Variants in CEP128 observed in about 807,000 individuals in gnomAD.
CEP128 encodes the protein centrosomal protein 128kDa.
A neutral mutation model predicts 156.7 loss-of-function variants in CEP128; 132 were observed. That is an observed-to-expected ratio of 0.84 (90% CI 0.73 to 0.97). The LOEUF (loss-of-function observed/expected upper bound fraction) is 0.97. CEP128 is among the 50% of genes least tolerant of loss of function. The pLI is 0.00. For missense variants in CEP128, 1,252 were observed against 1,281.9 expected, an observed-to-expected ratio of 0.98 and a Z score of 0.36; for synonymous variants, 469 against 448.9, an observed-to-expected ratio of 1.04 and a Z score of -0.57.
At chr14:80,501,327 G>A (rs1162898871) in intron 24 of CEP128, among the ~76,000 whole-genome samples, 1 of 152,120 alleles carries the variant, frequency 6.6e-6, no homozygotes, top group East Asian at 1.9e-4. Context: ...AGGAGTGACA[G>A]TCTTTATCTA....
Position 80,526,950 on chromosome 14 carries a change from T to C in CEP128, c.2991A>G (p.Gly997=). The C allele has an allele frequency of 6.2e-7, 1 of 1,601,944 alleles. No homozygotes were observed. The highest frequency in any genetic ancestry group is 8.5e-7 in the Non-Finnish European group (1 of 1,172,466). Residue 997 remains glycine (G), a synonymous_variant, in exon 23 of 25, where the codon GGA becomes GGG. Transcript: ENST00000555265. ...DSCSSSERTD[G]RYSKYRVRRN... Reference sequence around the variant, plus strand: ...TGCGAACCCTGTATTTGGAATATCTTCCATCAGTTCTCTCAGATGAACTGC... The same window carrying C: ...TGCGAACCCTGTATTTGGAATATCTCCCATCAGTTCTCTCAGATGAACTGC...
chr14:80,950,166 C>G (rs1412378362), intron 2 of CEP128, among the ~76,000 whole-genome samples: 2 of 152,034 alleles, frequency 1.3e-5, no homozygotes, highest in African/African-American at 2.4e-5. Context: ...AGTGATATAA[C>G]CCAAAAGATG....
At chr14:80,487,960 A>G (rs201341050), downstream of CEP128, among the ~76,000 whole-genome samples, 16 of 150,764 alleles carry the variant, frequency 1.1e-4, no homozygotes, top group Middle Eastern at 3.2e-3. Context: ...TGTCACAATT[A>G]AAAGAACTAG....
At chr14:80,577,612 G>T (rs879489954) in intron 20 of CEP128, among the ~76,000 whole-genome samples, 5 of 152,058 alleles carry the variant, frequency 3.3e-5, no homozygotes, top group Admixed American at 3.3e-4. Flanking sequence ...ATCATCTCTT[G>T]CCGAGAGTCT....
chr14:80,879,286 A>G (rs767690727), intron 8 of CEP128, among the ~76,000 whole-genome samples: 3 of 152,202 alleles, frequency 2.0e-5, no homozygotes, highest in Non-Finnish European at 4.4e-5. Context: ...CAAAAAAATG[A>G]TAAAGCAAGG....
chr14:80,894,920 TTTAC>T (rs2139392201), intron 8 of CEP128, among the ~76,000 whole-genome samples: 1 of 152,056 alleles, frequency 6.6e-6, no homozygotes, highest in South Asian at 2.1e-4. Flanking sequence ...ATTATCTACT[TTTAC>T]TAGGAAACTT....
intron 20 of CEP128, among the ~76,000 whole-genome samples, chr14:80,562,546 C>T (rs1303493401): frequency 1.3e-5 from 2 of 151,636 alleles, no homozygotes; most frequent in Non-Finnish European, 2.9e-5. Context: ...ATGGTTGACA[C>T]TGTTTTTGGT....
chr14:80,785,164 C>T lies in CEP128; in HGVS notation c.1942G>A (p.Ala648Thr). ...KDLSAIRADL[A>T]NKLAEEERAK... ...CTCTCTTCCTCAGCCAATTTATTAG[C>T]AAGATCTGCTCGGATGGCACTCAGG... Residue 648 changes from alanine (A) to threonine (T), a missense_variant, in exon 15 of 25, where the codon GCT becomes ACT. By Grantham distance (58) the Ala-to-Thr change is moderately conservative (BLOSUM62 0). Transcript: ENST00000555265. 1.2e-6 allele frequency: 2 copies of T among 1,614,182 alleles called. No individual in the cohort carries two copies. Among genetic ancestry groups the T allele is most frequent in the Admixed American group, 1.7e-5 (1 of 60,028 alleles).
At chr14:80,667,222 G>C (rs948999913) in intron 19 of CEP128, among the ~76,000 whole-genome samples, 2 of 152,184 alleles carry the variant, frequency 1.3e-5, no homozygotes, top group Non-Finnish European at 2.9e-5. Flanking sequence ...ACATTAGAAG[G>C]CAGGCTGATG....
At position 80,916,540 on chromosome 14, in the gene CEP128, T is replaced by C; in HGVS notation, c.8A>G (p.Glu3Gly). ...GAAGTGATCTGATTCGCTGGATGAT[T>C]CTGCCATTGATGTACACAAATCCTT... MA[E>G]SSSESDHFRC... The change falls in exon 3 of 25, where the codon GAA becomes GGA. Residue 3 changes from glutamate to glycine, a missense_variant. By Grantham distance (98) the Glu-to-Gly change is moderately conservative. Coordinates refer to ENST00000555265, the MANE Select transcript of CEP128 (RefSeq NM_152446.5). 6.2e-7 allele frequency: 1 copy of C among 1,613,646 alleles called. No homozygotes were observed. The highest frequency in any genetic ancestry group is 2.2e-5 in the East Asian group (1 of 44,880).
chr14:80,737,204 G>C (rs925683487), intron 19 of CEP128, among the ~76,000 whole-genome samples: 3 of 152,082 alleles, frequency 2.0e-5, no homozygotes, highest in Non-Finnish European at 2.9e-5. Context: ...AGGCATTCAA[G>C]ACCAGCCCGG....
intron 8 of CEP128, among the ~76,000 whole-genome samples, chr14:80,872,752 C>A (rs1888088704): frequency 6.6e-6 from 1 of 152,152 alleles, no homozygotes; most frequent in African/African-American, 2.4e-5. Flanking sequence ...TCTCTGACAG[C>A]AGGTTATGAA....
chr14:80,784,920 G>C lies in CEP128; in HGVS notation c.2186C>G (p.Ala729Gly), dbSNP rs1901315316. Residue 729 changes from alanine (A) to glycine (G), a missense_variant, in exon 15 of 25, where the codon GCT (alanine) becomes GGT (glycine). Physicochemically the swap from Ala to Gly is moderately conservative, Grantham distance 60. Transcript: ENST00000555265. ...CTTCAGAGTCCTGATATGATTCTCA[G>C]CCTCACTCTTTTCTTTCTTAAAGTG... is the stretch of plus-strand genomic sequence containing the variant. ...MKHFKKEKSE[A>G]ENHIRTLKAE... The C allele has an allele frequency of 6.2e-7, 1 of 1,612,572 alleles. No individual in the cohort carries two copies. The highest frequency in any genetic ancestry group is 1.3e-5 in the African/African-American group (1 of 74,818).
At chr14:80,542,769 A>G (rs1889821221) in intron 21 of CEP128, among the ~76,000 whole-genome samples, 1 of 152,184 alleles carries the variant, frequency 6.6e-6, no homozygotes, top group Non-Finnish European at 1.5e-5. Flanking sequence ...TCAAGTAGGT[A>G]ATCACATTTG....
chr14:80,804,551 A>G (rs1772279559), intron 13 of CEP128, among the ~76,000 whole-genome samples: 1 of 152,196 alleles, frequency 6.6e-6, no homozygotes, highest in South Asian at 2.1e-4. Flanking sequence ...CTTCTTTAAA[A>G]TAGGGACAAA....
upstream of CEP128, among the ~76,000 whole-genome samples, chr14:80,943,317 G>T (rs978842869): frequency 2.0e-5 from 3 of 152,276 alleles, no homozygotes; most frequent in Non-Finnish European, 4.4e-5. Flanking sequence ...CTGTGTAATA[G>T]AATACTGCAT....
chr14:80,478,719 G>T (rs1364093728), intron 14 of CEP128, among the ~76,000 whole-genome samples: 1 of 152,200 alleles, frequency 6.6e-6, no homozygotes, highest in Non-Finnish European at 1.5e-5. Context: ...GCATATAGCA[G>T]ATGATACACG....
intron 8 of CEP128, among the ~76,000 whole-genome samples, chr14:80,882,503 T>C (rs1240652585): frequency 1.3e-5 from 2 of 152,204 alleles, no homozygotes; most frequent in South Asian, 2.1e-4. Flanking sequence ...CTATGGAGAA[T>C]GGTATGAAGG....
chr14:80,732,471 GGT>G (rs10672093), intron 19 of CEP128, among the ~76,000 whole-genome samples: 6,235 of 127,604 alleles, frequency 0.049, 169 homozygotes, highest in South Asian at 0.1. Context: ...TGATTAAGCA[GGT>G]GTGTGTGTGT....
Sources: allele counts gnomAD v4.1 joint callset (sites outside exome capture counted in the v4.1 genomes callset), GRCh38; gene constraint gnomAD v4.1.1; transcripts MANE v1.5; gene names NCBI Gene and HGNC (gene_info 2026-07-23, HGNC 2026-07-21).